Variants in CELF4 observed in about 807,000 individuals in gnomAD.
CELF4 encodes CUGBP Elav-like family member 4.
In CELF4, 18 loss-of-function variants were observed where a neutral mutation model predicts 59.9. The ratio of observed to expected loss-of-function variants is 0.30; its 90% CI spans 0.21 to 0.45. The LOEUF is 0.45. Ranked by LOEUF, CELF4 falls within the 20% of genes least tolerant of loss-of-function variation. CELF4 has a pLI of 1.00. For missense variants in CELF4, 456 were observed against 689.0 expected (o/e 0.66, Z 3.79); for synonymous variants, 261 against 267.1 (o/e 0.98, Z 0.22).
chr18:37,546,287 G>A (rs140595833), intron 1 of CELF4, among the ~76,000 whole-genome samples: 150 of 152,178 alleles, frequency 9.9e-4, no homozygotes, highest in Non-Finnish European at 1.5e-3. Context: ...TCATCTCCTC[G>A]CCCAGGTCTC....
At chr18:37,281,565 G>A (rs2094142502) in intron 3 of CELF4, among the ~76,000 whole-genome samples, 1 of 152,234 alleles carries the variant, frequency 6.6e-6, no homozygotes. Context: ...TCTAGTGGCT[G>A]GTGGGGTGGG....
intron 3 of CELF4, among the ~76,000 whole-genome samples, chr18:37,321,000 G>T (rs943887148): frequency 6.6e-6 from 1 of 152,082 alleles, no homozygotes; most frequent in Non-Finnish European, 1.5e-5. Flanking sequence ...TTCTTTTAAT[G>T]TCAGAGTATG....
chr18:37,343,661 G>A (rs2098139252), intron 2 of CELF4, among the ~76,000 whole-genome samples: 1 of 152,082 alleles, frequency 6.6e-6, no homozygotes, highest in Non-Finnish European at 1.5e-5. Flanking sequence ...ACTGCAAGCT[G>A]GGCACCTGTG....
intron 2 of CELF4, among the ~76,000 whole-genome samples, chr18:37,472,095 G>A (rs78901908): frequency 2.1e-3 from 321 of 152,342 alleles, no homozygotes; most frequent in African/African-American, 7.4e-3. Context: ...AACAGGGAGT[G>A]GAGAAGGAGG....
In CELF4 at chr18:37,273,036, G is replaced by C. The variant is rs1402143415; in HGVS notation, c.929C>G (p.Ala310Gly). The C allele has an allele frequency of 6.2e-7, 1 of 1,611,194 alleles. No homozygotes were observed. The highest frequency in any genetic ancestry group is 1.3e-5 in the African/African-American group (1 of 74,898). The change falls in exon 7 of 13, where the codon GCA (alanine) becomes GGA (glycine). Residue 310 changes from alanine (A) to glycine (G), a missense_variant. This residue lies in a region of CELF4 where 256 missense variants were observed against 340.8 expected (regional missense o/e 0.75). Coordinates refer to ENST00000420428, the MANE Select transcript of CELF4 (RefSeq NM_020180.4). Reference protein sequence around the residue: ...AALNMNGLAAAPMTPTSGGST... With the variant: ...AALNMNGLAAGPMTPTSGGST... ...CTCACCTGAGGTTGGGGTCATAGGT[G>C]CGGCCGCCAGGCCATTCATGTTGAG...
intron 1 of CELF4, among the ~76,000 whole-genome samples, chr18:37,499,660 C>T (rs1360159731): frequency 6.6e-6 from 1 of 152,216 alleles, no homozygotes; most frequent in Non-Finnish European, 1.5e-5. Context: ...ACTCCTGGCA[C>T]AGGGCCTGGC....
chr18:37,262,089 T>C (rs1023690817), intron 10 of CELF4, among the ~76,000 whole-genome samples: 2 of 152,152 alleles, frequency 1.3e-5, no homozygotes, highest in African/African-American at 4.8e-5. Context: ...AATCCCGCTG[T>C]TCCCCCTGCC....
chr18:37,507,566 C>T (rs2099939498), intron 1 of CELF4, among the ~76,000 whole-genome samples: 1 of 152,238 alleles, frequency 6.6e-6, no homozygotes, highest in Non-Finnish European at 1.5e-5. Context: ...ACTTCTCAGG[C>T]TTGCCTGCTA....
chr18:37,250,901 T>C (rs1365184707), intron 12 of CELF4, among the ~76,000 whole-genome samples: 4 of 152,146 alleles, frequency 2.6e-5, no homozygotes, highest in Non-Finnish European at 5.9e-5. Context: ...CATAGTAGTT[T>C]TTTAAAGGAC....
At chr18:37,396,698 G>A (rs376012345) in intron 2 of CELF4, among the ~76,000 whole-genome samples, 1 of 152,126 alleles carries the variant, frequency 6.6e-6, no homozygotes, top group Admixed American at 6.5e-5. Flanking sequence ...AGAAAACTAG[G>A]ATCACTCTGA....
intron 2 of CELF4, among the ~76,000 whole-genome samples, chr18:37,326,675 T>C (rs565256561): frequency 2.6e-5 from 4 of 152,250 alleles, no homozygotes; most frequent in African/African-American, 7.2e-5. Flanking sequence ...TCACAAACCC[T>C]TGTGGACTGT....
intron 2 of CELF4, among the ~76,000 whole-genome samples, chr18:37,412,891 G>A (rs535194447): frequency 5.9e-5 from 9 of 152,210 alleles, no homozygotes; most frequent in African/African-American, 1.7e-4. Context: ...AGTTGTTCTC[G>A]GTGTGAGGTT....
intron 3 of CELF4, among the ~76,000 whole-genome samples, chr18:37,303,900 C>T (rs894409973): frequency 5.9e-5 from 9 of 152,242 alleles, no homozygotes; most frequent in African/African-American, 1.9e-4. Context: ...CATCCCAACC[C>T]CTCCTGGAGA....
Position 37,485,604 on chromosome 18 carries a change from C to T in CELF4, c.290G>A (p.Cys97Tyr). ...ACGCTCGCAGTAGGTGAGGAAGGCGCAGCCTGGGGAGGAAAGCAAGCGCCA... is the reference window on the plus strand; with the variant it reads ...ACGCTCGCAGTAGGTGAGGAAGGCGTAGCCTGGGGAGGAAAGCAAGCGCCA... ...KDRFTGMHKG[C>Y]AFLTYCERES... The change falls in exon 2 of 13, where the codon TGC (cysteine) becomes TAC (tyrosine). Residue 97 changes from cysteine (C) to tyrosine (Y), a missense_variant. By Grantham distance (194) the Cys-to-Tyr change is radical (BLOSUM62 -2). Around this residue, in one of 7 missense-constraint regions of CELF4, gnomAD observed 63 missense variants for 110.6 expected, o/e 0.57. Coordinates refer to ENST00000420428, the MANE Select transcript of CELF4 (RefSeq NM_020180.4). 1 of 1,453,010 alleles carries T rather than the reference C, an allele frequency of 6.9e-7. No homozygotes were observed. The highest frequency in any genetic ancestry group is 1.4e-5 in the South Asian group (1 of 69,276). 90.0% of individuals were successfully genotyped at this position (1,453,010 alleles called of 1,614,324 possible). A position where few individuals can be genotyped will look rare whatever the true frequency, so the allele number is the denominator to read the frequency against.
At chr18:37,510,956 C>T (rs551845811) in intron 1 of CELF4, among the ~76,000 whole-genome samples, 1 of 152,298 alleles carries the variant, frequency 6.6e-6, no homozygotes, top group Non-Finnish European at 1.5e-5. Context: ...GTAACTTGTG[C>T]AGCCTCTAGG....
chr18:37,334,736 G>A (rs947218616), intron 2 of CELF4, among the ~76,000 whole-genome samples: 2 of 151,800 alleles, frequency 1.3e-5, no homozygotes, highest in Non-Finnish European at 2.9e-5. Flanking sequence ...GGGGGGGACA[G>A]CTCCTTTCTC....
At chr18:37,358,528 G>T (rs1346639243) in intron 2 of CELF4, among the ~76,000 whole-genome samples, 1 of 152,206 alleles carries the variant, frequency 6.6e-6, no homozygotes, top group African/African-American at 2.4e-5. Context: ...GCTACAGCAG[G>T]ACATGGATAG....
chr18:37,545,753 TAC>T (rs146431291), intron 1 of CELF4, among the ~76,000 whole-genome samples: 20,877 of 148,802 alleles, frequency 0.14, 3,859 homozygotes, highest in African/African-American at 0.43. Flanking sequence ...TGTGTGGGCA[TAC>T]ACACACACAC....
intron 2 of CELF4, among the ~76,000 whole-genome samples, chr18:37,407,314 T>A (rs2154591140): frequency 6.6e-6 from 1 of 152,300 alleles, no homozygotes; most frequent in East Asian, 1.9e-4. Flanking sequence ...CAAGCTCTTT[T>A]TAGAATGAGG....
Sources: gnomAD v4.1 joint callset for allele counts (sites outside exome capture counted in the v4.1 genomes callset) on GRCh38, gnomAD v4.1.1 for gene constraint, gnomAD v4.1.1 regional missense constraint, MANE v1.5 for transcripts, NCBI Gene and HGNC (gene_info 2026-07-23, HGNC 2026-07-21) for gene names.